FRY: variants seen among roughly 807,000 people sequenced by gnomAD.
FRY encodes the protein FRY microtubule binding protein, also known as protein furry homolog.
A neutral mutation model predicts 348.4 loss-of-function variants in FRY; 128 were observed. That is an observed-to-expected ratio of 0.37 (90% CI 0.32 to 0.43). FRY has a LOEUF of 0.43. Among genes scored for constraint, FRY ranks in the 20% least tolerant of loss-of-function variants. The pLI, the probability that FRY is intolerant of heterozygous loss-of-function variation, is 1.00. For synonymous variants in FRY, 1,370 were observed against 1,374.7 expected (o/e 1.00, Z 0.08); for missense variants, 2,736 against 3,695.2 (o/e 0.74, Z 6.73).
intron 3 of FRY, among the ~76,000 whole-genome samples, chr13:32,105,515 T>C (rs1157793257): frequency 2.0e-5 from 3 of 152,230 alleles, no homozygotes; most frequent in African/African-American, 7.2e-5. Context: ...GCCATGAATA[T>C]AGCAAGGTCT....
At chr13:32,137,947 G>A (rs892704643) in intron 11 of FRY, among the ~76,000 whole-genome samples, 1 of 152,088 alleles carries the variant, frequency 6.6e-6, no homozygotes, top group African/African-American at 2.4e-5. Flanking sequence ...CACCAACTAG[G>A]AGCTGGCTCT....
At chr13:32,145,905 C>G (rs1880412879) in intron 11 of FRY, among the ~76,000 whole-genome samples, 1 of 152,152 alleles carries the variant, frequency 6.6e-6, no homozygotes. Flanking sequence ...GCTCCATTCC[C>G]CATGCTGCAG....
intron 35 of FRY, among the ~76,000 whole-genome samples, chr13:32,216,695 T>C (rs1885011182): frequency 6.6e-6 from 1 of 152,248 alleles, no homozygotes. Flanking sequence ...AGCATAAATA[T>C]GATTAAAGAA....
intron 20 of FRY, among the ~76,000 whole-genome samples, chr13:32,176,908 A>G (rs112697956): frequency 6.6e-6 from 1 of 152,176 alleles, no homozygotes; most frequent in Non-Finnish European, 1.5e-5. Flanking sequence ...TAAATTCAAT[A>G]CACAGAGATT....
At position 32,178,209 on chromosome 13, in the gene FRY, G is replaced by T. The variant is rs376360067; in HGVS notation, c.2454G>T (p.Leu818=). 73 of 1,613,996 alleles carry T rather than the reference G, an allele frequency of 4.5e-5. No individual in the cohort carries two copies. Among genetic ancestry groups the T allele is most frequent in the Non-Finnish European group, 6.0e-5 (71 of 1,179,948 alleles). Residue 818 remains leucine (L), a synonymous_variant, in exon 21 of 61, where the codon CTG becomes CTT. Coordinates refer to ENST00000542859, the MANE Select transcript of FRY (RefSeq NM_023037.3). The part of the protein sequence containing the change: ...ATLPLTHNVD[L]QWLVEWNAVL... ...TACCACTCACCCACAATGTGGATCTGCAGTGGTTGGTGGAATGGAACGCAG... is the reference window on the plus strand; with the variant it reads ...TACCACTCACCCACAATGTGGATCTTCAGTGGTTGGTGGAATGGAACGCAG...
intron 59 of FRY, among the ~76,000 whole-genome samples, chr13:32,291,631 C>T (rs995991461): frequency 6.6e-5 from 10 of 152,132 alleles, no homozygotes; most frequent in Non-Finnish European, 1.2e-4. Context: ...TCTCAAACTC[C>T]TGAGTTCAGG....
chr13:32,064,250 TC>T (rs1874108989), intron 1 of FRY, among the ~76,000 whole-genome samples: 2 of 151,834 alleles, frequency 1.3e-5, no homozygotes, highest in African/African-American at 2.4e-5. Context: ...ATCACCACAT[TC>T]CCCCCACCAT....
At chr13:32,128,449 A>G (rs1319721726) in intron 7 of FRY, among the ~76,000 whole-genome samples, 4 of 152,214 alleles carry the variant, frequency 2.6e-5, no homozygotes, top group Admixed American at 6.5e-5. Flanking sequence ...GTAAATTATT[A>G]CTATTGTGAT....
At chr13:32,049,220 G>A (rs1460155665) in intron 1 of FRY, among the ~76,000 whole-genome samples, 1 of 152,120 alleles carries the variant, frequency 6.6e-6, no homozygotes, top group Non-Finnish European at 1.5e-5. Context: ...TGAACATGAA[G>A]ACTGTTACAG....
rs376464877 is a variant in FRY, at chr13:32,231,236, G to A, written c.5463G>A (p.Lys1821=). The A allele has an allele frequency of 1.5e-4, 244 of 1,612,782 alleles. No individual in the cohort carries two copies. Among genetic ancestry groups the A allele is most frequent in the Non-Finnish European group, 2.0e-4 (233 of 1,178,906 alleles). The change falls in exon 41 of 61, where the codon AAG becomes AAA. Residue 1821 remains lysine (K), a synonymous_variant. Coordinates refer to ENST00000542859, the MANE Select transcript of FRY (RefSeq NM_023037.3). ...EDITPKNQNS[K]SAEQLTNFLR... is the part of the protein sequence containing the mutation. ...TCACACCTAAAAATCAAAATTCAAA[G>A]AGTGCTGAACAGCTCACTAATTTTC...
intron 1 of FRY, chr13:32,060,868 A>G (rs532289104): frequency 4.2e-5 from 14 of 334,434 alleles, no homozygotes; most frequent in Non-Finnish European, 8.3e-5. Context: ...TCCCATTGGT[A>G]TGAACAGTCT....
intron 3 of FRY, 147 bp from the exon 4 acceptor site, chr13:32,117,187 T>G: frequency 1.4e-6 from 1 of 725,764 alleles, no homozygotes; most frequent in South Asian, 1.6e-5. Context: ...CTCTTGGGAA[T>G]GTACTAATAA....
intron 49 of FRY, among the ~76,000 whole-genome samples, chr13:32,251,096 CA>C (rs1460407731): frequency 2.0e-5 from 3 of 152,118 alleles, no homozygotes; most frequent in African/African-American, 7.2e-5. Flanking sequence ...GCAGTTTCCA[CA>C]TAACAAACCG....
chr13:32,289,999 C>T (rs549209852), intron 59 of FRY, among the ~76,000 whole-genome samples: 13 of 152,292 alleles, frequency 8.5e-5, no homozygotes, highest in South Asian at 8.3e-4. Context: ...CTGTGGGTTA[C>T]GGCCTAGGTG....
chr13:32,256,000 A>G (rs1887313347), intron 51 of FRY, among the ~76,000 whole-genome samples: 1 of 152,234 alleles, frequency 6.6e-6, no homozygotes, highest in Non-Finnish European at 1.5e-5. Flanking sequence ...ACCTAGCAGG[A>G]ATGATGTAAA....
At chr13:32,074,472 A>G (rs1874889526) in intron 1 of FRY, among the ~76,000 whole-genome samples, 1 of 152,176 alleles carries the variant, frequency 6.6e-6, no homozygotes, top group Non-Finnish European at 1.5e-5. Flanking sequence ...CCCCCACCAC[A>G]GGAGCACTGG....
chr13:32,249,531 A>G lies in FRY; in HGVS notation c.7014A>G (p.Pro2338=), dbSNP rs751612279. 1 of 1,614,210 alleles carries G rather than the reference A, an allele frequency of 6.2e-7. No individual in the cohort carries two copies. Among genetic ancestry groups the G allele is most frequent in the Admixed American group, 1.7e-5 (1 of 60,030 alleles). ...GCGTTTGTCTTCTTCTCAAGACTCC[A>G]ATCATCGGGAGGCGGTATGATGAGC... ...LDFHFDISET[P]IIGRRYDELQ... is the part of the protein sequence containing the mutation. Residue 2338 remains proline, a synonymous_variant, in exon 49 of 61, where the codon CCA becomes CCG. Transcript: ENST00000542859.
chr13:32,229,738 T>C (rs1593773545), intron 40 of FRY, among the ~76,000 whole-genome samples: 1 of 152,336 alleles, frequency 6.6e-6, no homozygotes, highest in South Asian at 2.1e-4. Context: ...GTGTATTCAG[T>C]TTGATTGTAC....
In FRY at chr13:32,298,156, G is replaced by A. The variant is rs1416712836; in HGVS notation, c.*2696G>A. ...TTAATTGTAGGCATCACACACATGC[G>A]TGAACATCCAGAGTTAGGTCTCAAG... On this transcript the variant is annotated 3_prime_UTR_variant, in exon 61 of 61. Coordinates refer to ENST00000542859, the MANE Select transcript of FRY (RefSeq NM_023037.3). The A allele has an allele frequency of 1.3e-5, 2 of 152,168 alleles. No individual in the cohort carries two copies. The highest frequency in any genetic ancestry group is 1.9e-4 in the East Asian group (1 of 5,190). 9.4% of individuals were successfully genotyped at this position (152,168 alleles called of 1,614,324 possible).
Sources: gnomAD v4.1 joint callset for allele counts (sites outside exome capture counted in the v4.1 genomes callset) on GRCh38, gnomAD v4.1.1 for gene constraint, MANE v1.5 for transcripts, NCBI Gene and HGNC (gene_info 2026-07-23, HGNC 2026-07-21) for gene names.